Variants in UNC13B observed in about 807,000 individuals in gnomAD.
UNC13B encodes protein unc-13 homolog B.
UNC13B carries 144 observed loss-of-function variants against 211.0 expected under a neutral mutation model. That is an observed-to-expected ratio of 0.68 (90% CI 0.60 to 0.78). UNC13B has a LOEUF of 0.78. Ranked by LOEUF, UNC13B falls within the 30% of genes least tolerant of loss-of-function variation. The probability of loss-of-function intolerance (pLI) is 0.00; values close to 1 mark genes in which losing one functional copy is unlikely to be tolerated. For synonymous variants in UNC13B, 709 were observed against 725.8 expected (o/e 0.98, Z 0.37); for missense variants, 1,777 against 2,002.0 (o/e 0.89, Z 2.14).
At chr9:35,185,585 C>T (rs543009857) in intron 1 of UNC13B, among the ~76,000 whole-genome samples, 27 of 152,200 alleles carry the variant, frequency 1.8e-4, no homozygotes, top group African/African-American at 5.1e-4. Flanking sequence ...TCTCAAATCC[C>T]GCTAGTTTGC....
At chr9:35,205,310 TAC>T (rs972460253) in intron 1 of UNC13B, among the ~76,000 whole-genome samples, 4 of 152,160 alleles carry the variant, frequency 2.6e-5, no homozygotes, top group African/African-American at 9.6e-5. Flanking sequence ...AACAGACTAA[TAC>T]ACACACACAA....
At chr9:35,271,682 C>A (rs1827890763) in intron 7 of UNC13B, among the ~76,000 whole-genome samples, 1 of 152,216 alleles carries the variant, frequency 6.6e-6, no homozygotes, top group South Asian at 2.1e-4. Flanking sequence ...TGTTGCCATA[C>A]CAGTCTGACT....
chr9:35,288,359 A>T (rs1037800406), intron 7 of UNC13B, among the ~76,000 whole-genome samples: 12 of 152,102 alleles, frequency 7.9e-5, no homozygotes, highest in African/African-American at 2.9e-4. Flanking sequence ...TCTAAACATT[A>T]CCTAAGACCC....
intron 29 of UNC13B, 30 bp downstream of exon 29, chr9:35,397,340 C>A: frequency 8.7e-6 from 14 of 1,609,316 alleles, no homozygotes; most frequent in African/African-American, 1.3e-5. Context: ...CTCCCTCCCC[C>A]TTACCACCAC....
chr9:35,257,368 T>TTAAAA (rs1826965146), intron 6 of UNC13B, among the ~76,000 whole-genome samples: 1 of 2,948 alleles, frequency 3.4e-4, no homozygotes, highest in African/African-American at 4.2e-4. Flanking sequence ...TATAAATATT[T>TTAAAA]ATAAAATATT....
At chr9:35,403,079 T>C in intron 37 of UNC13B, 88 bp from the exon 38 acceptor site, 1 of 1,149,762 alleles carries the variant, frequency 8.7e-7, no homozygotes, top group Admixed American at 1.8e-5. Context: ...GCTTCTTGCT[T>C]TTGGGTATAG....
Position 35,306,995 on chromosome 9 carries a change from ACTT to A in UNC13B, c.7593_7595del (p.Ser2532del). ...CAAACAAGAATCATCTCTCCCAGCT[ACTT>A]CATGGCTTCAAAATGGTTGTTCCAG... On this transcript the variant is annotated inframe_deletion, in exon 9 of 40. Coordinates refer to ENST00000635942, the MANE Select transcript of UNC13B (RefSeq NM_001371189.2). 1 of 399,012 alleles carries A rather than the reference ACTT, an allele frequency of 2.5e-6. No individual in the cohort carries two copies. The highest frequency in any genetic ancestry group is 4.4e-5 in the Admixed American group (1 of 22,726). The allele number at this position is 399,012 out of a possible 1,614,324, so 24.7% of individuals were successfully genotyped here.
intron 1 of UNC13B, among the ~76,000 whole-genome samples, chr9:35,217,006 G>C (rs1282868206): frequency 1.3e-5 from 2 of 152,158 alleles, no homozygotes; most frequent in Admixed American, 6.5e-5. Context: ...CAATGGTTTG[G>C]GATGATGAGG....
intron 7 of UNC13B, among the ~76,000 whole-genome samples, chr9:35,259,713 C>T (rs1827140167): frequency 7.1e-6 from 1 of 140,372 alleles, no homozygotes; most frequent in Non-Finnish European, 1.5e-5. Context: ...CAGCTTGAGA[C>T]ACTAAAGGAC....
chr9:35,230,809 G>A (rs150906866), intron 2 of UNC13B, among the ~76,000 whole-genome samples: 1 of 152,202 alleles, frequency 6.6e-6, no homozygotes, highest in African/African-American at 2.4e-5. Context: ...AAATATCAAT[G>A]TATCATATCT....
At chr9:35,353,135 A>G (rs919519349) in intron 11 of UNC13B, 1 of 1,232,192 alleles carries the variant, frequency 8.1e-7, no homozygotes, top group African/African-American at 1.5e-5. Context: ...TGAGACTTTC[A>G]GTGACATGGT....
chr9:35,399,526 AT>A, intron 35 of UNC13B, 78 bp downstream of exon 35: 2 of 1,608,716 alleles, frequency 1.2e-6, no homozygotes, highest in South Asian at 2.2e-5. Context: ...GGGGAAGGAA[AT>A]TGGAGCTTTG....
At chr9:35,287,801 A>G (rs1449191428) in intron 7 of UNC13B, among the ~76,000 whole-genome samples, 1 of 152,068 alleles carries the variant, frequency 6.6e-6, no homozygotes, top group Non-Finnish European at 1.5e-5. Flanking sequence ...GAAAACTTCC[A>G]AGTCTGTTCC....
At chr9:35,227,450 C>A (rs1319519874) in intron 1 of UNC13B, among the ~76,000 whole-genome samples, 3 of 152,100 alleles carry the variant, frequency 2.0e-5, no homozygotes, top group Admixed American at 6.6e-5. Context: ...TGGTCTTTGA[C>A]CTTTCCCAGG....
chr9:35,220,103 A>G (rs1326865892), intron 1 of UNC13B, among the ~76,000 whole-genome samples: 2 of 152,054 alleles, frequency 1.3e-5, no homozygotes, highest in Non-Finnish European at 2.9e-5. Flanking sequence ...GGTATAAGCA[A>G]ATATGAATAT....
rs1829966486 is a variant in UNC13B at position 35,307,206 on chromosome 9, T to G, written c.7802T>G (p.Leu2601Arg). 2.5e-6 allele frequency: 1 copy of G among 398,822 alleles called. No individual in the cohort carries two copies. The highest frequency in any genetic ancestry group is 3.6e-5 in the East Asian group (1 of 28,092). 24.7% of individuals were successfully genotyped at this position (398,822 alleles called of 1,614,324 possible). A position where few individuals can be genotyped will look rare whatever the true frequency, so the allele number is the denominator to read the frequency against. Residue 2601 changes from leucine to arginine, a missense_variant, in exon 9 of 40, where the codon CTG (leucine) becomes CGG (arginine). By Grantham distance (102) the Leu-to-Arg change is moderately radical. Transcript: ENST00000635942. ...GACAATAATACTCCTGAAAATATTC[T>G]GGAACCTCAACGTTCTGAAACAATT... ...MEDNNTPENI[L>R]EPQRSETINT...
intron 7 of UNC13B, among the ~76,000 whole-genome samples, chr9:35,264,691 G>T (rs1393484519): frequency 6.6e-6 from 1 of 152,172 alleles, no homozygotes; most frequent in African/African-American, 2.4e-5. Flanking sequence ...CTGGGGGCAA[G>T]GTCATTTACT....
At chr9:35,358,436 C>G (rs897999680) in intron 11 of UNC13B, among the ~76,000 whole-genome samples, 1 of 152,180 alleles carries the variant, frequency 6.6e-6, no homozygotes, top group Non-Finnish European at 1.5e-5. Context: ...GGGTTCCTTC[C>G]AATTTCTCTA....
Position 35,374,966 on chromosome 9 carries a change from G to A in UNC13B, c.9541-161G>A, listed in dbSNP as rs372586491. Among the ~76,000 whole-genome samples the A allele has an allele frequency of 6.3e-4, 96 of 152,214 alleles. 1 individual carries two copies. The South Asian group carries it at 0.015, about 24-fold the overall frequency. ...GCCTTGGGTTTTGCATCTTAACCTGGGACACTTGTCACCTGTTAGGGCGGT... is the reference window on the plus strand; with the variant it reads ...GCCTTGGGTTTTGCATCTTAACCTGAGACACTTGTCACCTGTTAGGGCGGT... On this transcript the variant is annotated intron_variant, in intron 13 of 39. Transcript: ENST00000635942.
Sources: allele counts gnomAD v4.1 joint callset (sites outside exome capture counted in the v4.1 genomes callset), GRCh38; gene constraint gnomAD v4.1.1; transcripts MANE v1.5; gene names NCBI Gene and HGNC (gene_info 2026-07-23, HGNC 2026-07-21).